Variants in TNFAIP8 observed in about 807,000 individuals in gnomAD.
TNFAIP8 encodes tumor necrosis factor alpha-induced protein 8.
In TNFAIP8, 7 loss-of-function variants were observed where a neutral mutation model predicts 13.3. The observed-to-expected ratio is 0.52, with a 90% CI of 0.30 to 0.99. The LOEUF (loss-of-function observed/expected upper bound fraction) is 0.99, where lower values mean the gene tolerates loss of function less well. Ranked by LOEUF, TNFAIP8 falls within the 50% of genes least tolerant of loss-of-function variation. The probability of loss-of-function intolerance (pLI) is 0.07; values close to 1 mark genes in which losing one functional copy is unlikely to be tolerated. For synonymous variants in TNFAIP8, 94 were observed against 87.6 expected, an observed-to-expected ratio of 1.07 and a Z score of -0.41; for missense variants, 258 against 236.9, an observed-to-expected ratio of 1.09 and a Z score of -0.58.
intron 1 of TNFAIP8, among the ~76,000 whole-genome samples, chr5:119,324,393 C>T (rs1173411233): frequency 6.6e-5 from 10 of 151,000 alleles, no homozygotes; most frequent in Non-Finnish European, 1.5e-4. Flanking sequence ...AGTCTCCATC[C>T]TCTCAGAACT....
At chr5:119,335,502 C>T (rs1341173814) in intron 1 of TNFAIP8, among the ~76,000 whole-genome samples, 11 of 152,172 alleles carry the variant, frequency 7.2e-5, no homozygotes, top group Non-Finnish European at 1.3e-4. Context: ...TATGTTTCAC[C>T]TGGGCTGGCT....
intron 1 of TNFAIP8, among the ~76,000 whole-genome samples, chr5:119,384,806 C>T (rs1324675102): frequency 6.6e-6 from 1 of 152,154 alleles, no homozygotes; most frequent in Non-Finnish European, 1.5e-5. Flanking sequence ...GATATTTTGT[C>T]AGAGTTTATG....
chr5:119,279,378 A>G (rs1748561683), intron 1 of TNFAIP8, among the ~76,000 whole-genome samples: 1 of 152,094 alleles, frequency 6.6e-6, no homozygotes, highest in African/African-American at 2.4e-5. Context: ...GCTTGTCTCC[A>G]TGTTTCATTC....
At chr5:119,341,428 G>C (rs780107314) in intron 1 of TNFAIP8, among the ~76,000 whole-genome samples, 6 of 110,508 alleles carry the variant, frequency 5.4e-5, no homozygotes, top group South Asian at 2.4e-4. Flanking sequence ...AACAAACAAA[G>C]AAACAAAAAA....
intron 1 of TNFAIP8, among the ~76,000 whole-genome samples, chr5:119,325,839 C>T (rs75559768): frequency 0.012 from 1,758 of 152,336 alleles, 26 homozygotes; most frequent in African/African-American, 0.039. Context: ...GCATGCCTGG[C>T]TTGTCCTGTC....
At chr5:119,323,707 C>T (rs1343551513) in intron 1 of TNFAIP8, among the ~76,000 whole-genome samples, 1 of 152,060 alleles carries the variant, frequency 6.6e-6, no homozygotes, top group Non-Finnish European at 1.5e-5. Context: ...TGTTCTTTGG[C>T]TGAGTGCTGA....
At chr5:119,379,646 AGTGGC>A (rs1311182954) in intron 1 of TNFAIP8, among the ~76,000 whole-genome samples, 2 of 152,046 alleles carry the variant, frequency 1.3e-5, no homozygotes, top group Admixed American at 1.3e-4. Flanking sequence ...GCTGGAGTGG[AGTGGC>A]GTGATCTGAG....
At chr5:119,329,261 T>A (rs1750306473) in intron 1 of TNFAIP8, among the ~76,000 whole-genome samples, 1 of 152,248 alleles carries the variant, frequency 6.6e-6, no homozygotes, top group Admixed American at 6.5e-5. Context: ...CTTTTTTTGC[T>A]TCTAACAACA....
At position 119,324,523 on chromosome 5, in the gene TNFAIP8, T is replaced by C. The variant is rs551203454; in HGVS notation, c.1+55616T>C. On this transcript the variant is annotated intron_variant, in intron 1 of 1. Coordinates refer to the TNFAIP8 transcript ENST00000274456. ...CCAAGTTCTAGGGAGTTTTTATGGT[T>C]TGTTTTTCTGTTTCGCTTTGAAAAT... Among the ~76,000 whole-genome samples, 10 of 152,152 alleles carry C rather than the reference T, an allele frequency of 6.6e-5. No individual in the cohort carries two copies. In the East Asian group the frequency reaches 1.7e-3, roughly 27 times the overall value.
At chr5:119,346,462 A>C (rs771078722) in intron 1 of TNFAIP8, among the ~76,000 whole-genome samples, 9 of 152,242 alleles carry the variant, frequency 5.9e-5, no homozygotes, top group Non-Finnish European at 1.3e-4. Context: ...AAGAAAAAAT[A>C]TGTAAAGGTC....
intron 1 of TNFAIP8, among the ~76,000 whole-genome samples, chr5:119,324,224 G>A (rs1352981138): frequency 1.5e-5 from 2 of 136,212 alleles, no homozygotes; most frequent in African/African-American, 5.7e-5. Context: ...GCAGTGAGCC[G>A]AGATCGCGCC....
chr5:119,294,797 G>C (rs1043549173), intron 1 of TNFAIP8, among the ~76,000 whole-genome samples: 37 of 152,084 alleles, frequency 2.4e-4, no homozygotes, highest in Non-Finnish European at 5.0e-4. Context: ...GCCAGTGATG[G>C]TGAGCATTTT....
At chr5:119,287,766 C>A (rs1332063403) in intron 1 of TNFAIP8, among the ~76,000 whole-genome samples, 2 of 152,180 alleles carry the variant, frequency 1.3e-5, no homozygotes, top group Non-Finnish European at 2.9e-5. Context: ...TTTTTACTTT[C>A]ACTTAAGGGA....
intron 1 of TNFAIP8, among the ~76,000 whole-genome samples, chr5:119,387,595 GTATT>G (rs1243893613): frequency 1.3e-5 from 2 of 152,128 alleles, no homozygotes; most frequent in Non-Finnish European, 2.9e-5. Context: ...ATAAAACTAA[GTATT>G]AATAACAAAG....
intron 1 of TNFAIP8, among the ~76,000 whole-genome samples, chr5:119,294,311 C>G (rs1749094585): frequency 1.3e-5 from 2 of 151,678 alleles, no homozygotes; most frequent in South Asian, 4.2e-4. Context: ...GTTTTTTGTC[C>G]TTGCCATAGT....
chr5:119,367,355 A>T (rs1310298035), intron 1 of TNFAIP8, among the ~76,000 whole-genome samples: 1 of 152,174 alleles, frequency 6.6e-6, no homozygotes, highest in Non-Finnish European at 1.5e-5. Flanking sequence ...CAATTTTCTA[A>T]ATGAAACGTG....
chr5:119,279,516 A>T (rs1227059123), intron 1 of TNFAIP8, among the ~76,000 whole-genome samples: 1 of 152,264 alleles, frequency 6.6e-6, no homozygotes, highest in Non-Finnish European at 1.5e-5. Flanking sequence ...CCGACTGTTC[A>T]TTGCAATTCT....
chr5:119,356,907 G>C (rs1751448422), intron 1 of TNFAIP8, among the ~76,000 whole-genome samples: 1 of 152,116 alleles, frequency 6.6e-6, no homozygotes, highest in African/African-American at 2.4e-5. Flanking sequence ...TGTAAGTGGG[G>C]GGTGGGAGTA....
Position 119,370,413 on chromosome 5 carries a change from C to G in TNFAIP8, c.31+14292C>G, listed in dbSNP as rs143225937. 4.5e-3 allele frequency among the ~76,000 whole-genome samples: 687 copies of G among 152,326 alleles called. 10 individuals are homozygous for G. The highest frequency in any genetic ancestry group is 0.043 in the South Asian group (207 of 4,826). ...ATGCATTTAACAACTAAAATCCCAGCTTTTCCCATGTTGAGTTTACACAGA... is the reference window on the plus strand; with the variant it reads ...ATGCATTTAACAACTAAAATCCCAGGTTTTCCCATGTTGAGTTTACACAGA... On this transcript the variant is annotated intron_variant, in intron 1 of 1. Transcript: ENST00000504771.
Sources: gnomAD v4.1 joint callset for allele counts (sites outside exome capture counted in the v4.1 genomes callset) on GRCh38, gnomAD v4.1.1 for gene constraint, MANE v1.5 for transcripts, NCBI Gene and HGNC (gene_info 2026-07-23, HGNC 2026-07-21) for gene names.